EFCAB7: variants seen among roughly 807,000 people sequenced by gnomAD.
The protein encoded by EFCAB7 is EF-hand calcium binding domain 7.
In EFCAB7, 66 loss-of-function variants were observed where a neutral mutation model predicts 77.1. The observed-to-expected ratio is 0.86, with a 90% CI of 0.70 to 1.05. The LOEUF is 1.05. EFCAB7 is among the 50% of genes least tolerant of loss of function. The probability of loss-of-function intolerance (pLI) is 0.00; values close to 1 mark genes in which losing one functional copy is unlikely to be tolerated. For missense variants in EFCAB7, 638 were observed against 730.5 expected, an observed-to-expected ratio of 0.87 and a Z score of 1.46; for synonymous variants, 225 against 243.3, an observed-to-expected ratio of 0.92 and a Z score of 0.70.
At chr1:63,537,402 ATGT>A (rs1477301662) in intron 6 of EFCAB7, among the ~76,000 whole-genome samples, 7 of 152,182 alleles carry the variant, frequency 4.6e-5, no homozygotes, top group African/African-American at 1.7e-4. Context: ...CATCACACAC[ATGT>A]TGTACAACCT....
chr1:63,540,863 A>G (rs1175417604), intron 6 of EFCAB7, among the ~76,000 whole-genome samples: 1 of 152,124 alleles, frequency 6.6e-6, no homozygotes, highest in Non-Finnish European at 1.5e-5. Flanking sequence ...ATGCAGTTTA[A>G]GAAGAAATTT....
chr1:63,559,907 C>T (rs758090467), intron 10 of EFCAB7, among the ~76,000 whole-genome samples: 1 of 152,116 alleles, frequency 6.6e-6, no homozygotes, highest in Non-Finnish European at 1.5e-5. Context: ...ACCATTACCA[C>T]ACTGTCTTGA....
chr1:63,581,382 T>TAAA, the EFCAB7 span, among the ~76,000 whole-genome samples: 1 of 99,022 alleles, frequency 1.0e-5, no homozygotes, highest in Non-Finnish European at 1.9e-5. Context: ...TCCCGTCTCT[T>TAAA]AAAAAAAAAA....
intron 5 of EFCAB7, 54 bp from the exon 6 acceptor site, chr1:63,534,041 C>A: frequency 1.9e-6 from 3 of 1,602,270 alleles, no homozygotes; most frequent in South Asian, 2.2e-5. Flanking sequence ...TTGGAAAAAA[C>A]TCCTATTGAC....
At position 63,533,560 on chromosome 1, in the gene EFCAB7, A is replaced by G. The variant is rs1054828436; in HGVS notation, c.593A>G (p.Glu198Gly). The change falls in exon 5 of 14, where the codon GAA (glutamate) becomes GGA (glycine). Residue 198 changes from glutamate (E) to glycine (G), a missense_variant. By Grantham distance (98) the Glu-to-Gly change is moderately conservative. Transcript: ENST00000371088. Reference protein sequence around the residue: ...LMRHQFGNHIEGSPERDPSPV... With the variant: ...LMRHQFGNHIGGSPERDPSPV... Reference sequence around the variant, plus strand: ...CGTCACCAGTTTGGAAACCACATCGAAGGGTCCCCTGAAAGGGACCCATCA... The same window carrying G: ...CGTCACCAGTTTGGAAACCACATCGGAGGGTCCCCTGAAAGGGACCCATCA... 22 of 1,613,200 alleles carry G rather than the reference A, an allele frequency of 1.4e-5. No homozygotes were observed. Among genetic ancestry groups the G allele is most frequent in the Non-Finnish European group, 1.8e-5 (21 of 1,179,614 alleles).
chr1:63,565,345 C>T (rs905182202), intron 11 of EFCAB7, among the ~76,000 whole-genome samples: 15 of 148,936 alleles, frequency 1.0e-4, no homozygotes, highest in African/African-American at 3.0e-4. Context: ...GGCGAGAGTG[C>T]GAGACTCCGT....
the EFCAB7 span, among the ~76,000 whole-genome samples, chr1:63,579,421 TTATTA>T: frequency 6.6e-6 from 1 of 152,200 alleles, no homozygotes; most frequent in Non-Finnish European, 1.5e-5. Flanking sequence ...GAGTAGTATT[TTATTA>T]TATGATTGTA....
intron 6 of EFCAB7, among the ~76,000 whole-genome samples, chr1:63,537,163 C>A (rs561536143): frequency 6.6e-6 from 1 of 152,112 alleles, no homozygotes; most frequent in Non-Finnish European, 1.5e-5. Flanking sequence ...TTTAAAATCC[C>A]GAATTCTATC....
chr1:63,532,674 G>T lies in EFCAB7; in HGVS notation c.404G>T (p.Gly135Val). Residue 135 changes from glycine to valine, a missense_variant, in exon 4 of 14, where the codon GGT becomes GTT. Gly to Val is a moderately radical substitution (Grantham distance 109). Transcript: ENST00000371088. ...TDLYKFLTKR[G>V]EKMTREEVNA... ...AATCTTGTTTTTTTTTTTCAGAGAG[G>T]TGAGAAGATGACTCGAGAAGAAGTA... is the stretch of plus-strand genomic sequence containing the variant. The T allele has an allele frequency of 6.3e-7, 1 of 1,591,922 alleles. No homozygotes were observed. The highest frequency in any genetic ancestry group is 1.2e-5 in the South Asian group (1 of 86,944).
the EFCAB7 span, among the ~76,000 whole-genome samples, chr1:63,579,348 T>A: frequency 6.6e-6 from 1 of 152,244 alleles, no homozygotes; most frequent in Non-Finnish European, 1.5e-5. Flanking sequence ...TGAATCCTTT[T>A]ATTCAGCATA....
In EFCAB7 at chr1:63,555,403, A is replaced by AAG. The variant is rs1320714065; in HGVS notation, c.1102_1103insAG (p.Ile368LysfsTer10). ...ACTAGGACCTGGAATTTACTGGTTA[A>AAG]TTCCTTCCACAACTGGCTGTAGGCT... On this transcript the variant is annotated frameshift_variant, in exon 9 of 14. Coordinates refer to ENST00000371088, the MANE Select transcript of EFCAB7 (RefSeq NM_032437.4). LOFTEE classifies it high-confidence loss of function. 1.9e-6 allele frequency: 3 copies of AAG among 1,613,846 alleles called. No individual in the cohort carries two copies. The highest frequency in any genetic ancestry group is 2.5e-6 in the Non-Finnish European group (3 of 1,179,816).
At chr1:63,530,191 A>G (rs1301742826) in intron 2 of EFCAB7, among the ~76,000 whole-genome samples, 3 of 152,186 alleles carry the variant, frequency 2.0e-5, no homozygotes, top group African/African-American at 7.2e-5. Context: ...TTCCATGAGG[A>G]TATTTCTTTA....
chr1:63,533,577 G>A lies in EFCAB7; in HGVS notation c.610G>A (p.Asp204Asn), dbSNP rs534803753. The change falls in exon 5 of 14, where the codon GAC becomes AAC. Residue 204 changes from aspartate to asparagine, a missense_variant. Asp to Asn is a conservative substitution (Grantham distance 23). Transcript: ENST00000371088. Reference protein sequence around the residue: ...GNHIEGSPERDPSPVPKPSPK... With the variant: ...GNHIEGSPERNPSPVPKPSPK... Reference sequence around the variant, plus strand: ...CCACATCGAAGGGTCCCCTGAAAGGGACCCATCACCAGTACCAAAACCATC... The same window carrying A: ...CCACATCGAAGGGTCCCCTGAAAGGAACCCATCACCAGTACCAAAACCATC... 1 of 1,611,848 alleles carries A rather than the reference G, an allele frequency of 6.2e-7. No homozygotes were observed. The highest frequency in any genetic ancestry group is 8.5e-7 in the Non-Finnish European group (1 of 1,179,198).
chr1:63,562,936 A>G (rs1254943942), intron 11 of EFCAB7, among the ~76,000 whole-genome samples: 5 of 152,152 alleles, frequency 3.3e-5, no homozygotes, highest in African/African-American at 1.2e-4. Flanking sequence ...TAGTTTTGAC[A>G]TCATTCAAAA....
Position 63,562,448 on chromosome 1 carries a change from TTTATATATATATATATATATA to T in EFCAB7, c.1497+593_1497+613del, listed in dbSNP as rs1647115552. Reference sequence around the variant, plus strand: ...TTAAAAATTAGGCCTTCTTAATTTATTTATATATATATATATATATATATATATATATATATATATATATAT... The same window carrying T: ...TTAAAAATTAGGCCTTCTTAATTTATTATATATATATATATATATATATAT... On this transcript the variant is annotated intron_variant, in intron 11 of 13. Coordinates refer to ENST00000371088, the MANE Select transcript of EFCAB7 (RefSeq NM_032437.4). Among the ~76,000 whole-genome samples, 5 of 44,880 alleles carry T rather than the reference TTTATATATATATATATATATA, an allele frequency of 1.1e-4. No homozygotes were observed. In the East Asian group the frequency reaches 1.9e-3, roughly 17 times the overall value. The allele number at this position is 44,880 out of a possible 152,430, so 29.4% of individuals were successfully genotyped here. A position where few individuals can be genotyped will look rare whatever the true frequency, so the allele number is the denominator to read the frequency against.
downstream of EFCAB7, among the ~76,000 whole-genome samples, chr1:63,575,775 G>A (rs1223761200): frequency 6.6e-6 from 1 of 151,774 alleles, no homozygotes; most frequent in Admixed American, 6.6e-5. Context: ...TTTTGTAGAG[G>A]TGGGGTTTTG....
rs1248018154 is a variant in EFCAB7 at position 63,525,367 on chromosome 1, T to G, written c.-1-205T>G. 2.6e-5 allele frequency among the ~76,000 whole-genome samples: 4 copies of G among 152,182 alleles called. 1 individual carries two copies. The highest frequency in any genetic ancestry group is 5.9e-5 in the Non-Finnish European group (4 of 68,016). On this transcript the variant is annotated intron_variant, in intron 1 of 13. Transcript: ENST00000371088. ...CTGCCAAAGGCTTATTCTTGTTTAA[T>G]ATATAATACGTCCATATACAACTAT... is the stretch of plus-strand genomic sequence containing the variant.
chr1:63,536,515 G>T (rs1351057873), intron 6 of EFCAB7, among the ~76,000 whole-genome samples: 1 of 152,074 alleles, frequency 6.6e-6, no homozygotes, highest in African/African-American at 2.4e-5. Flanking sequence ...CAAGTAGCTG[G>T]CATTACAGGA....
At chr1:63,568,684 A>T (rs992629653) in intron 12 of EFCAB7, 165 bp downstream of exon 12, 96 of 498,512 alleles carry the variant, frequency 1.9e-4, no homozygotes, top group Non-Finnish European at 2.3e-4. Context: ...TCAAACTGGG[A>T]GTGGTAATTT....
Sources: allele counts gnomAD v4.1 joint callset (sites outside exome capture counted in the v4.1 genomes callset), GRCh38; gene constraint gnomAD v4.1.1; transcripts MANE v1.5; gene names NCBI Gene and HGNC (gene_info 2026-07-23, HGNC 2026-07-21).